Variants in NRXN1 observed in about 807,000 individuals in gnomAD.
NRXN1 encodes neurexin 1, also known as neurexin-1.
In NRXN1, 39 loss-of-function variants were observed where a neutral mutation model predicts 150.9. That is an observed-to-expected ratio of 0.26 (90% CI 0.20 to 0.34). The LOEUF is 0.34. Ranked by LOEUF, NRXN1 falls within the 10% of genes least tolerant of loss-of-function variation. The pLI is 1.00. For synonymous variants in NRXN1, 924 were observed against 757.0 expected, an observed-to-expected ratio of 1.22 and a Z score of -3.62; for missense variants, 1,815 against 1,949.9, an observed-to-expected ratio of 0.93 and a Z score of 1.30.
intron 19 of NRXN1, among the ~76,000 whole-genome samples, chr2:50,073,566 C>T (rs780140698): frequency 5.3e-5 from 8 of 151,976 alleles, no homozygotes; most frequent in African/African-American, 9.7e-5. Flanking sequence ...TTTTTGCTGG[C>T]GAAAATAGGT....
intron 5 of NRXN1, among the ~76,000 whole-genome samples, chr2:50,911,062 C>T (rs1026449108): frequency 2.0e-5 from 3 of 151,982 alleles, no homozygotes; most frequent in Non-Finnish European, 4.4e-5. Flanking sequence ...ATACTATCAT[C>T]ATGATTTATT....
intron 17 of NRXN1, among the ~76,000 whole-genome samples, chr2:50,324,598 G>T (rs1001773481): frequency 6.6e-6 from 1 of 152,202 alleles, no homozygotes; most frequent in African/African-American, 2.4e-5. Context: ...TTGAAGTGCA[G>T]TGGCGCAATC....
chr2:49,933,500 T>C (rs1400807515), intron 22 of NRXN1, among the ~76,000 whole-genome samples: 1 of 152,128 alleles, frequency 6.6e-6, no homozygotes, highest in East Asian at 1.9e-4. Context: ...CACAGAATCT[T>C]AGAAAAGCAG....
At chr2:50,962,674 ATGAT>A (rs1275149441) in intron 2 of NRXN1, among the ~76,000 whole-genome samples, 1 of 151,608 alleles carries the variant, frequency 6.6e-6, no homozygotes, top group Non-Finnish European at 1.5e-5. Flanking sequence ...CTCTGAAGTT[ATGAT>A]TTTGCTATAA....
Position 51,028,298 on chromosome 2 carries a change from G to A in NRXN1, c.-25C>T, listed in dbSNP as rs202163774. On this transcript the variant is annotated 5_prime_UTR_variant, in exon 2 of 23. Transcript: ENST00000401669. ...TGCTCGGGGCTGGGGTGCGGCGGGG[G>A]GGTGCCGGGGCCGACAGGGTCAAAA... 38 of 1,412,656 alleles carry A rather than the reference G, an allele frequency of 2.7e-5. 2 individuals carry two copies. In the East Asian group the frequency reaches 9.4e-4, roughly 35 times the overall value. 87.5% of individuals were successfully genotyped at this position (1,412,656 alleles called of 1,614,324 possible).
intron 5 of NRXN1, among the ~76,000 whole-genome samples, chr2:50,865,841 C>T (rs575968086): frequency 1.3e-5 from 2 of 150,476 alleles, no homozygotes; most frequent in African/African-American, 4.9e-5. Context: ...TTTATATTAG[C>T]TCATTTAATC....
intron 5 of NRXN1, chr2:50,624,777 C>G (rs1680709365): frequency 6.6e-6 from 1 of 151,910 alleles, no homozygotes; most frequent in Non-Finnish European, 1.5e-5. Flanking sequence ...TAAATGAAGT[C>G]TCAACATTTT....
At chr2:50,279,203 C>G (rs527657573) in intron 17 of NRXN1, among the ~76,000 whole-genome samples, 3 of 152,252 alleles carry the variant, frequency 2.0e-5, no homozygotes, top group Admixed American at 6.5e-5. Flanking sequence ...AGTTGCTTAT[C>G]AGCTGATACA....
At chr2:50,855,863 T>G (rs540302352) in intron 5 of NRXN1, among the ~76,000 whole-genome samples, 18 of 152,132 alleles carry the variant, frequency 1.2e-4, no homozygotes, top group Admixed American at 8.5e-4. Flanking sequence ...TTGTACTGAA[T>G]ACATCATACA....
chr2:50,424,457 C>T (rs939928137), intron 17 of NRXN1, among the ~76,000 whole-genome samples: 1 of 151,956 alleles, frequency 6.6e-6, no homozygotes, highest in Non-Finnish European at 1.5e-5. Flanking sequence ...GACTGGGAGA[C>T]ACTCTGCTTG....
intron 21 of NRXN1, among the ~76,000 whole-genome samples, chr2:49,987,354 T>C (rs1482074884): frequency 6.6e-6 from 1 of 152,198 alleles, no homozygotes; most frequent in East Asian, 1.9e-4. Context: ...AGCCTTGGCC[T>C]CCCAAGACTT....
At chr2:50,495,799 G>C (rs1429647995) in intron 15 of NRXN1, 106 bp downstream of exon 15, 2 of 862,076 alleles carry the variant, frequency 2.3e-6, no homozygotes, top group East Asian at 2.7e-5. Context: ...TGAAATTCTG[G>C]TCAGTCTTTG....
At chr2:50,128,214 G>A (rs552384671) in intron 18 of NRXN1, among the ~76,000 whole-genome samples, 1 of 152,112 alleles carries the variant, frequency 6.6e-6, no homozygotes, top group Admixed American at 6.5e-5. Context: ...ATATCTCTGA[G>A]AAGATATGAG....
At chr2:50,273,776 AG>A (rs1246840289) in intron 17 of NRXN1, among the ~76,000 whole-genome samples, 3 of 152,156 alleles carry the variant, frequency 2.0e-5, no homozygotes, top group Admixed American at 2.0e-4. Context: ...TATGAAAAAA[AG>A]CTCATCATCA....
At chr2:50,628,258 T>A (rs949368034) in intron 5 of NRXN1, among the ~76,000 whole-genome samples, 1 of 151,840 alleles carries the variant, frequency 6.6e-6, no homozygotes, top group Non-Finnish European at 1.5e-5. Flanking sequence ...TGGGTGTTGA[T>A]GTATTTTTAA....
At chr2:50,081,818 A>G (rs1323419957) in intron 19 of NRXN1, among the ~76,000 whole-genome samples, 1 of 152,188 alleles carries the variant, frequency 6.6e-6, no homozygotes, top group Non-Finnish European at 1.5e-5. Flanking sequence ...CTGAAGATAT[A>G]AGAACTCAGA....
At chr2:50,226,744 C>T (rs1044401587) in intron 18 of NRXN1, among the ~76,000 whole-genome samples, 13 of 151,902 alleles carry the variant, frequency 8.6e-5, no homozygotes, top group African/African-American at 3.1e-4. Context: ...AAATAGGTAA[C>T]ACATAAACTG....
At chr2:50,635,724 A>C (rs1302516289) in intron 5 of NRXN1, among the ~76,000 whole-genome samples, 15 of 152,188 alleles carry the variant, frequency 9.9e-5, no homozygotes, top group Admixed American at 9.8e-4. Flanking sequence ...TATGCCTTAA[A>C]GACTCTGTGC....
intron 17 of NRXN1, among the ~76,000 whole-genome samples, chr2:50,350,848 A>G (rs2078360200): frequency 6.6e-6 from 1 of 152,122 alleles, no homozygotes; most frequent in South Asian, 2.1e-4. Context: ...TAAAGAGAAA[A>G]TATTTATGGC....
Sources: allele counts gnomAD v4.1 joint callset (sites outside exome capture counted in the v4.1 genomes callset), GRCh38; gene constraint gnomAD v4.1.1; transcripts MANE v1.5; gene names NCBI Gene and HGNC (gene_info 2026-07-23, HGNC 2026-07-21).